RPL6: variants seen among roughly 807,000 people sequenced by gnomAD.
RPL6 encodes the protein large ribosomal subunit protein eL6.
In RPL6, 1 loss-of-function variant was observed where a neutral mutation model predicts 32.1. That is an observed-to-expected ratio of 0.03 (90% CI 0.01 to 0.15). RPL6 has a LOEUF of 0.15. Among genes scored for constraint, RPL6 ranks in the 10% least tolerant of loss-of-function variants. RPL6 has a pLI of 1.00. For missense variants in RPL6, 275 were observed against 354.6 expected, an observed-to-expected ratio of 0.78 and a Z score of 1.80; for synonymous variants, 126 against 131.6, an observed-to-expected ratio of 0.96 and a Z score of 0.29.
chr12:112,410,554 C>CTTTTTTTTTTTTTTTTTTTTT (rs561190073), upstream of RPL6: 3 of 36,262 alleles, frequency 8.3e-5, 1 homozygote, highest in Non-Finnish European at 1.3e-4. Flanking sequence ...AGTGTTAGCT[C>CTTTTTTTTTTTTTTTTTTTTT]TTTTTTTTTT....
chr12:112,406,789 G>A lies in RPL6; in HGVS notation c.438C>T (p.Pro146=), dbSNP rs553391319. The A allele has an allele frequency of 9.9e-6, 16 of 1,614,230 alleles. No individual in the cohort carries two copies. Among genetic ancestry groups the A allele is most frequent in the South Asian group, 5.5e-5 (5 of 91,088 alleles). ...CAGTGAGGATGATCAGAATGGTCCC[G>A]GGGGTAATGCTGGCTCGCAGTTTTC... The part of the protein sequence containing the change: ...HVRKLRASIT[P]GTILIILTGR... The change falls in exon 4 of 7, where the codon CCC becomes CCT. Residue 146 remains proline, a synonymous_variant. Coordinates refer to ENST00000202773, the MANE Select transcript of RPL6 (RefSeq NM_000970.6).
At chr12:112,418,673 G>A in intron 1 of RPL6, 1 of 303,206 alleles carries the variant, frequency 3.3e-6, no homozygotes, top group Non-Finnish European at 6.2e-6. Context: ...TGAAATCGAT[G>A]TGGCAGCGGG....
chr12:112,405,953 T>C lies in RPL6; in HGVS notation c.614A>G (p.Asn205Ser), dbSNP rs769493689. The C allele has an allele frequency of 9.9e-6, 16 of 1,614,040 alleles. No homozygotes were observed. Among genetic ancestry groups the C allele is most frequent in the Non-Finnish European group, 2.5e-6 (3 of 1,180,014 alleles). ...IATSTKIDIS[N>S]VKIPKHLTDA... ...AGTAAGATGTTTTGGGATTTTTACATTGCTGATATCGATTTTGGTTGAAGT... is the reference window on the plus strand; with the variant it reads ...AGTAAGATGTTTTGGGATTTTTACACTGCTGATATCGATTTTGGTTGAAGT... Residue 205 changes from asparagine to serine, a missense_variant, in exon 6 of 7, where the codon AAT becomes AGT. Asn to Ser is a conservative substitution (Grantham distance 46, BLOSUM62 1). Coordinates refer to ENST00000202773, the MANE Select transcript of RPL6 (RefSeq NM_000970.6).
upstream of RPL6, among the ~76,000 whole-genome samples, chr12:112,411,961 C>T (rs1051940764): frequency 6.6e-6 from 1 of 151,730 alleles, no homozygotes; most frequent in Non-Finnish European, 1.5e-5. Context: ...CTCACTGCAA[C>T]CTCTGCCTCC....
At chr12:112,416,565 C>T (rs1312324230) in intron 1 of RPL6, among the ~76,000 whole-genome samples, 4 of 152,132 alleles carry the variant, frequency 2.6e-5, no homozygotes, top group East Asian at 3.8e-4. Context: ...TGTAAGCCAC[C>T]GCACTTGGCC....
chr12:112,405,540 A>C (rs1184229978), intron 6 of RPL6, 164 bp from the exon 7 acceptor site: 6 of 746,412 alleles, frequency 8.0e-6, no homozygotes, highest in Admixed American at 3.1e-5. Context: ...AACACAACCC[A>C]TTTTTTAATG....
upstream of RPL6, among the ~76,000 whole-genome samples, chr12:112,414,850 A>T (rs1393559260): frequency 6.6e-6 from 1 of 151,974 alleles, no homozygotes; most frequent in African/African-American, 2.4e-5. Flanking sequence ...GCTTGCAGTG[A>T]GTCGAGATCA....
In RPL6 at chr12:112,406,776, T is replaced by C. The variant is rs2037182251; in HGVS notation, c.451A>G (p.Ile151Val). ...RASITPGTILIILTGRHRGKR... is the reference protein window; with the variant it reads ...RASITPGTILVILTGRHRGKR... Reference sequence around the variant, plus strand: ...CCCCTGTGGCGTCCAGTGAGGATGATCAGAATGGTCCCGGGGGTAATGCTG... The same window carrying C: ...CCCCTGTGGCGTCCAGTGAGGATGACCAGAATGGTCCCGGGGGTAATGCTG... Residue 151 changes from isoleucine to valine, a missense_variant, in exon 4 of 7, where the codon ATC (isoleucine) becomes GTC (valine). Physicochemically the swap from Ile to Val is conservative, Grantham distance 29 (BLOSUM62 3). Coordinates refer to ENST00000202773, the MANE Select transcript of RPL6 (RefSeq NM_000970.6). 3.1e-6 allele frequency: 5 copies of C among 1,614,114 alleles called. No individual in the cohort carries two copies. The highest frequency in any genetic ancestry group is 4.2e-6 in the Non-Finnish European group (5 of 1,180,054).
At chr12:112,406,234 T>C (rs1267320515) in intron 5 of RPL6, 60 bp downstream of exon 5, 6 of 1,456,474 alleles carry the variant, frequency 4.1e-6, no homozygotes, top group Non-Finnish European at 5.8e-6. Flanking sequence ...CAAACGTGTA[T>C]ACTGCAAGCA....
At chr12:112,409,181 G>A (rs539413490) in intron 1 of RPL6, 10 of 332,580 alleles carry the variant, frequency 3.0e-5, no homozygotes, top group Non-Finnish European at 5.4e-5. Context: ...CTTCCGGTCG[G>A]GGACGCTGGG....
At chr12:112,408,199 A>C (rs756790208) in intron 3 of RPL6, 41 bp downstream of exon 3, 10 of 1,415,480 alleles carry the variant, frequency 7.1e-6, no homozygotes, top group Non-Finnish European at 1.0e-5. Context: ...ACAGTATTCA[A>C]GCATAAACAG....
At chr12:112,406,180 A>G (rs1297807200) in intron 5 of RPL6, 114 bp downstream of exon 5, 1 of 1,213,262 alleles carries the variant, frequency 8.2e-7, no homozygotes. Context: ...AATGGGCCTC[A>G]GACACTTGTG....
chr12:112,409,069 G>C, intron 1 of RPL6: 1 of 235,024 alleles, frequency 4.3e-6, no homozygotes. Flanking sequence ...TAACCCTTAA[G>C]ACCAGTGTCT....
chr12:112,410,874 G>A (rs888045317), upstream of RPL6, among the ~76,000 whole-genome samples: 13 of 151,974 alleles, frequency 8.6e-5, no homozygotes, highest in East Asian at 3.9e-4. Context: ...CGCACCTGGC[G>A]AACTGTTAGC....
At chr12:112,408,782 A>G in intron 1 of RPL6, 126 bp from the exon 2 acceptor site, 1 of 786,138 alleles carries the variant, frequency 1.3e-6, no homozygotes, top group Non-Finnish European at 2.0e-6. Context: ...GGTAAGATAC[A>G]GGCCTTCCTC....
Position 112,405,317 on chromosome 12 carries a change from T to C in RPL6, c.774A>G (p.Leu258=). 2 of 1,611,490 alleles carry C rather than the reference T, an allele frequency of 1.2e-6. No individual in the cohort carries two copies. The highest frequency in any genetic ancestry group is 1.7e-6 in the Non-Finnish European group (2 of 1,179,394). Residue 258 remains leucine, a synonymous_variant, in exon 7 of 7, where the codon TTA becomes TTG. Transcript: ENST00000202773. ...GCTGAGGAATAGCTTTGATTTTTGG[T>C]AAAATTTGTGAGTCCACAGCTTTCT... ...IDQKAVDSQI[L]PKIKAIPQLQ... is the part of the protein sequence containing the mutation.
At chr12:112,418,601 A>G (rs116434828) in intron 1 of RPL6, 283 of 246,830 alleles carry the variant, frequency 1.1e-3, no homozygotes, top group African/African-American at 6.0e-3. Flanking sequence ...CGGAGACAGT[A>G]GGTAATTTCC....
At chr12:112,414,568 G>A (rs946850760), upstream of RPL6, among the ~76,000 whole-genome samples, 1 of 152,176 alleles carries the variant, frequency 6.6e-6, no homozygotes, top group Non-Finnish European at 1.5e-5. Context: ...ACACAGAGGA[G>A]TCAAATGACT....
chr12:112,414,629 C>T (rs1443856291), upstream of RPL6, among the ~76,000 whole-genome samples: 4 of 152,130 alleles, frequency 2.6e-5, no homozygotes, highest in South Asian at 2.1e-4. Context: ...GGCAGCCAGG[C>T]GCCGTGGCTC....
Sources: allele counts gnomAD v4.1 joint callset (sites outside exome capture counted in the v4.1 genomes callset), GRCh38; gene constraint gnomAD v4.1.1; transcripts MANE v1.5; gene names NCBI Gene and HGNC (gene_info 2026-07-23, HGNC 2026-07-21).